Variants in TAFA2 observed in about 807,000 individuals in gnomAD.
The protein encoded by TAFA2 is chemokine-like protein TAFA-2.
Under a neutral mutation model 18.8 loss-of-function variants are expected in TAFA2, and 7 were observed. The observed-to-expected ratio is 0.37, with a 90% CI of 0.21 to 0.70. TAFA2 has a LOEUF of 0.70. Ranked by LOEUF, TAFA2 falls within the 30% of genes least tolerant of loss-of-function variation. TAFA2 has a pLI of 0.53. For missense variants in TAFA2, 122 were observed against 158.1 expected (o/e 0.77, Z 1.23); for synonymous variants, 60 against 54.2 (o/e 1.11, Z -0.47).
chr12:62,026,813 T>C (rs1477866159), intron 1 of TAFA2, among the ~76,000 whole-genome samples: 1 of 152,236 alleles, frequency 6.6e-6, no homozygotes, highest in Non-Finnish European at 1.5e-5. Context: ...TTTGGAATTG[T>C]AAATTTGCAT....
chr12:62,214,192 C>A (rs74095721), intron 1 of TAFA2, among the ~76,000 whole-genome samples: 1,778 of 152,234 alleles, frequency 0.012, 39 homozygotes, highest in African/African-American at 0.041. Flanking sequence ...GCCCCTAACC[C>A]CAATATGGTT....
intron 1 of TAFA2, among the ~76,000 whole-genome samples, chr12:62,113,778 C>T (rs1401723248): frequency 6.6e-6 from 1 of 152,180 alleles, no homozygotes; most frequent in African/African-American, 2.4e-5. Flanking sequence ...TTCCTGGCGG[C>T]TTTGTTTACA....
At chr12:61,978,097 T>C (rs542128081) in intron 1 of TAFA2, among the ~76,000 whole-genome samples, 1 of 152,204 alleles carries the variant, frequency 6.6e-6, no homozygotes, top group South Asian at 2.1e-4. Context: ...GCTACATGAC[T>C]CTGTGCAAGT....
chr12:61,958,578 T>A (rs1036269785), intron 1 of TAFA2, among the ~76,000 whole-genome samples: 2 of 152,016 alleles, frequency 1.3e-5, no homozygotes, highest in Admixed American at 6.6e-5. Context: ...TATATTTAAG[T>A]ATCTCTTTAT....
intron 1 of TAFA2, among the ~76,000 whole-genome samples, chr12:62,254,175 T>C (rs2062927650): frequency 6.6e-6 from 1 of 152,206 alleles, no homozygotes; most frequent in Admixed American, 6.5e-5. Flanking sequence ...ATCTTATTAT[T>C]AAAATCAAAT....
chr12:61,846,293 T>A (rs758311797), intron 2 of TAFA2, among the ~76,000 whole-genome samples: 24 of 152,194 alleles, frequency 1.6e-4, no homozygotes, highest in Non-Finnish European at 3.2e-4. Flanking sequence ...GGACAGCCCA[T>A]ATTCCTCAGC....
In TAFA2 at chr12:62,226,194, CTT is replaced by C. The variant is rs148187631; in HGVS notation, c.-130+32567_-130+32568del. Among the ~76,000 whole-genome samples the C allele has an allele frequency of 3.5e-3, 466 of 134,564 alleles. 4 individuals carry two copies. The highest frequency in any genetic ancestry group is 8.0e-3 in the African/African-American group (284 of 35,590). 88.3% of individuals were successfully genotyped at this position (134,564 alleles called of 152,430 possible). A position where few individuals can be genotyped will look rare whatever the true frequency, so the allele number is the denominator to read the frequency against. ...GGTCTATATCTTTCTCTTGATTACTCTTTTTTTTTTTTTTTTTGAGACGGAGT... is the reference window on the plus strand; with the variant it reads ...GGTCTATATCTTTCTCTTGATTACTCTTTTTTTTTTTTTTTGAGACGGAGT... On this transcript the variant is annotated intron_variant, in intron 1 of 5. Transcript: ENST00000551619.
At chr12:61,795,405 A>G (rs1475549546) in intron 2 of TAFA2, among the ~76,000 whole-genome samples, 1 of 152,204 alleles carries the variant, frequency 6.6e-6, no homozygotes, top group Non-Finnish European at 1.5e-5. Context: ...CAGCCATAAA[A>G]AAGGATGAGT....
chr12:61,781,207 G>T (rs969834766), intron 2 of TAFA2, among the ~76,000 whole-genome samples: 4 of 151,680 alleles, frequency 2.6e-5, no homozygotes, highest in African/African-American at 9.7e-5. Flanking sequence ...TATTTGGACT[G>T]GGGAGCAGGA....
At chr12:61,888,265 T>A (rs959514696) in intron 1 of TAFA2, among the ~76,000 whole-genome samples, 14 of 152,190 alleles carry the variant, frequency 9.2e-5, no homozygotes, top group Non-Finnish European at 1.5e-4. Context: ...ATGCTGCTAA[T>A]TGCTTTTATA....
intron 1 of TAFA2, among the ~76,000 whole-genome samples, chr12:62,098,287 AC>A (rs1869034187): frequency 6.6e-6 from 1 of 152,122 alleles, no homozygotes; most frequent in South Asian, 2.1e-4. Context: ...GCTGAGGTTT[AC>A]CTACCCATGG....
At chr12:62,198,792 C>T (rs1233484865) in intron 1 of TAFA2, among the ~76,000 whole-genome samples, 1 of 152,162 alleles carries the variant, frequency 6.6e-6, no homozygotes, top group Non-Finnish European at 1.5e-5. Flanking sequence ...TATCCCCATC[C>T]CCTAGCATGG....
At chr12:61,730,237 C>G (rs1317388452) in intron 4 of TAFA2, among the ~76,000 whole-genome samples, 1 of 152,148 alleles carries the variant, frequency 6.6e-6, no homozygotes, top group Non-Finnish European at 1.5e-5. Flanking sequence ...TGGACAGACT[C>G]AGGACCTCTG....
chr12:61,956,277 G>A (rs1300303127), intron 1 of TAFA2, among the ~76,000 whole-genome samples: 1 of 151,816 alleles, frequency 6.6e-6, no homozygotes, highest in African/African-American at 2.4e-5. Context: ...CTTAAGTTGA[G>A]AAAAATACAT....
At chr12:62,137,348 C>T (rs75229639) in intron 1 of TAFA2, among the ~76,000 whole-genome samples, 7,142 of 152,198 alleles carry the variant, frequency 0.047, 249 homozygotes, top group Non-Finnish European at 0.073. Context: ...CAAATTACCA[C>T]ATTAAATCTT....
intron 1 of TAFA2, among the ~76,000 whole-genome samples, chr12:61,873,321 T>C (rs1874702243): frequency 6.6e-6 from 1 of 151,790 alleles, no homozygotes; most frequent in Admixed American, 6.6e-5. Flanking sequence ...ATTATTATAC[T>C]TTAAGTTTTA....
chr12:61,755,112 T>C (rs1224424881), intron 2 of TAFA2, 88 bp from the exon 3 acceptor site: 2 of 1,282,312 alleles, frequency 1.6e-6, no homozygotes, highest in East Asian at 2.4e-5. Flanking sequence ...ACATTAAATA[T>C]AGCTCTATAA....
At chr12:62,106,873 A>G (rs1365825080) in intron 1 of TAFA2, among the ~76,000 whole-genome samples, 1 of 41,792 alleles carries the variant, frequency 2.4e-5, no homozygotes, top group Admixed American at 3.0e-4. Context: ...CTGTTTTCCA[A>G]AGGATCACCG....
intron 1 of TAFA2, among the ~76,000 whole-genome samples, chr12:62,213,148 C>T (rs181757798): frequency 1.3e-3 from 204 of 151,942 alleles, no homozygotes; most frequent in African/African-American, 2.5e-3. Flanking sequence ...TACCCCACCA[C>T]GGTTCATTCC....
Sources: gnomAD v4.1 joint callset for allele counts (sites outside exome capture counted in the v4.1 genomes callset) on GRCh38, gnomAD v4.1.1 for gene constraint, MANE v1.5 for transcripts, NCBI Gene and HGNC (gene_info 2026-07-23, HGNC 2026-07-21) for gene names.